The following CNTNAP2 variants were observed in gnomAD, a reference collection of about 807,000 sequenced individuals.
CNTNAP2 encodes contactin associated protein 2.
CNTNAP2 carries 98 observed loss-of-function variants against 155.2 expected under a neutral mutation model. The ratio of observed to expected loss-of-function variants is 0.63; its 90% CI spans 0.54 to 0.75. CNTNAP2 has a LOEUF of 0.75. Among genes scored for constraint, CNTNAP2 ranks in the 30% least tolerant of loss-of-function variants. CNTNAP2 has a pLI of 0.00. For synonymous variants in CNTNAP2, 651 were observed against 631.2 expected (o/e 1.03, Z -0.47); for missense variants, 1,727 against 1,688.1 (o/e 1.02, Z -0.40).
In CNTNAP2 at chr7:147,044,040, A is replaced by G. The variant is rs1057518820; in HGVS notation, c.536A>G (p.Tyr179Cys). The G allele has an allele frequency of 6.2e-7, 1 of 1,614,026 alleles. No individual in the cohort carries two copies. The highest frequency in any genetic ancestry group is 8.5e-7 in the Non-Finnish European group (1 of 1,180,016). ...CGCATTGGACTCAGAATTGAAGTTT[A>G]TGGCTGTTCTTACTGTGAGTATCGT... ...EGRIGLRIEVYGCSYWADVIN... is the reference protein window; with the variant it reads ...EGRIGLRIEVCGCSYWADVIN... The change falls in exon 4 of 24, where the codon TAT (tyrosine) becomes TGT (cysteine). Residue 179 changes from tyrosine to cysteine, a missense_variant. Physicochemically the swap from Tyr to Cys is radical, Grantham distance 194 (BLOSUM62 -2). Transcript: ENST00000361727.
chr7:147,700,963 C>A (rs1342584818), intron 13 of CNTNAP2, among the ~76,000 whole-genome samples: 6 of 152,198 alleles, frequency 3.9e-5, no homozygotes, highest in Non-Finnish European at 8.8e-5. Context: ...GGTCTCTGTG[C>A]TGTGAAATCT....
At chr7:148,327,678 C>T (rs558645584) in intron 21 of CNTNAP2, among the ~76,000 whole-genome samples, 2 of 152,262 alleles carry the variant, frequency 1.3e-5, no homozygotes, top group East Asian at 1.9e-4. Flanking sequence ...CTCCTAGAAC[C>T]GTATTATAAT....
intron 1 of CNTNAP2, among the ~76,000 whole-genome samples, chr7:146,649,298 C>A (rs556697857): frequency 6.6e-6 from 1 of 152,164 alleles, no homozygotes; most frequent in Admixed American, 6.6e-5. Context: ...TATTGATCAA[C>A]AGCAATCTCT....
intron 1 of CNTNAP2, among the ~76,000 whole-genome samples, chr7:146,123,400 A>G (rs570752932): frequency 1.1e-4 from 17 of 152,322 alleles, no homozygotes; most frequent in Admixed American, 5.9e-4. Context: ...AACCTTCTTC[A>G]TCTGCACTGG....
At chr7:146,161,627 A>G (rs1280843054) in intron 1 of CNTNAP2, among the ~76,000 whole-genome samples, 1 of 152,200 alleles carries the variant, frequency 6.6e-6, no homozygotes, top group Admixed American at 6.5e-5. Flanking sequence ...CCATCAAGCT[A>G]CCAATGCCTT....
At chr7:147,488,544 G>C (rs1437156864) in intron 11 of CNTNAP2, among the ~76,000 whole-genome samples, 2 of 124,900 alleles carry the variant, frequency 1.6e-5, no homozygotes, top group African/African-American at 6.6e-5. Context: ...ATTTTAAATA[G>C]TATTTTTTTT....
chr7:146,775,614 G>A (rs534837873), intron 2 of CNTNAP2, among the ~76,000 whole-genome samples: 33 of 149,406 alleles, frequency 2.2e-4, no homozygotes, highest in African/African-American at 6.9e-4. Flanking sequence ...AAGGAAGGAA[G>A]GAAGGAAGGA....
chr7:146,931,081 T>G (rs866673668), intron 3 of CNTNAP2, among the ~76,000 whole-genome samples: 2 of 150,862 alleles, frequency 1.3e-5, no homozygotes, highest in Admixed American at 6.6e-5. Context: ...CTGCACCAAG[T>G]GGACCTAATA....
intron 16 of CNTNAP2, among the ~76,000 whole-genome samples, chr7:148,121,731 A>C (rs1276497482): frequency 6.6e-6 from 1 of 152,192 alleles, no homozygotes; most frequent in Admixed American, 6.5e-5. Flanking sequence ...GAGTCAGTGT[A>C]CACTAAGTTA....
chr7:147,121,206 T>C lies in CNTNAP2; in HGVS notation c.939+43T>C, dbSNP rs1402451861. 8.3e-6 allele frequency: 13 copies of C among 1,573,258 alleles called. No homozygotes were observed. In the South Asian group the frequency reaches 1.3e-4, roughly 16 times the overall value. On this transcript the variant is annotated intron_variant, in intron 6 of 23. Coordinates refer to ENST00000361727, the MANE Select transcript of CNTNAP2 (RefSeq NM_014141.6). ...GAAATTGTAATAAAATGTCAAGCAA[T>C]TGTGTCACTCTCCTACTGTATTGTA...
At chr7:148,387,170 A>C (rs570818541) in intron 22 of CNTNAP2, among the ~76,000 whole-genome samples, 1 of 152,208 alleles carries the variant, frequency 6.6e-6, no homozygotes, top group South Asian at 2.1e-4. Flanking sequence ...TTCTTTCTGC[A>C]CCTATTGAAT....
At chr7:146,914,193 C>A (rs1389960448) in intron 3 of CNTNAP2, among the ~76,000 whole-genome samples, 2 of 151,978 alleles carry the variant, frequency 1.3e-5, no homozygotes, top group South Asian at 4.1e-4. Context: ...TCTTTATCCA[C>A]TCTTTGACTG....
chr7:147,094,863 ATAAC>A (rs1800493415), intron 4 of CNTNAP2, among the ~76,000 whole-genome samples: 1 of 152,102 alleles, frequency 6.6e-6, no homozygotes, highest in African/African-American at 2.4e-5. Flanking sequence ...TAGCTTATAA[ATAAC>A]AGAAATCTAA....
intron 18 of CNTNAP2, among the ~76,000 whole-genome samples, chr7:148,192,686 G>A: frequency 6.6e-6 from 1 of 152,122 alleles, no homozygotes; most frequent in East Asian, 1.9e-4. Context: ...CCACAAATTA[G>A]GAAGGATACG....
At chr7:147,675,004 A>G (rs1018558487) in intron 13 of CNTNAP2, among the ~76,000 whole-genome samples, 4 of 152,004 alleles carry the variant, frequency 2.6e-5, no homozygotes, top group African/African-American at 9.7e-5. Context: ...ATCACCACAA[A>G]CTTTGTGTCT....
chr7:148,168,310 G>C (rs915254183), intron 17 of CNTNAP2, among the ~76,000 whole-genome samples: 6 of 151,836 alleles, frequency 4.0e-5, no homozygotes, highest in Non-Finnish European at 8.8e-5. Context: ...TTGGAACCAA[G>C]CCAAATGTCC....
chr7:148,415,286 C>T, intron 23 of CNTNAP2, 131 bp from the exon 24 acceptor site: 4 of 935,978 alleles, frequency 4.3e-6, no homozygotes, highest in South Asian at 1.4e-5. Context: ...TTTTTGTTAT[C>T]TTTGTTGTTT....
chr7:147,260,764 T>C (rs1804445677), intron 8 of CNTNAP2, among the ~76,000 whole-genome samples: 1 of 152,192 alleles, frequency 6.6e-6, no homozygotes, highest in Non-Finnish European at 1.5e-5. Flanking sequence ...GTGTAACCAA[T>C]GGACTCACCT....
At chr7:147,456,076 A>G (rs1208166537) in intron 10 of CNTNAP2, among the ~76,000 whole-genome samples, 2 of 152,148 alleles carry the variant, frequency 1.3e-5, no homozygotes, top group Admixed American at 1.3e-4. Flanking sequence ...ATATGACTAT[A>G]TTTGTATATA....
Sources: allele counts gnomAD v4.1 joint callset (sites outside exome capture counted in the v4.1 genomes callset), GRCh38; gene constraint gnomAD v4.1.1; transcripts MANE v1.5; gene names NCBI Gene and HGNC (gene_info 2026-07-23, HGNC 2026-07-21).